The following MYO18B variants were observed in gnomAD, a reference collection of about 807,000 sequenced individuals.
MYO18B encodes myosin XVIIIB.
MYO18B carries 204 observed loss-of-function variants against 273.0 expected under a neutral mutation model. The observed-to-expected ratio is 0.75, with a 90% CI of 0.67 to 0.84. The LOEUF is 0.84. Ranked by LOEUF, MYO18B falls within the 40% of genes least tolerant of loss-of-function variation. The pLI, the probability that MYO18B is intolerant of heterozygous loss-of-function variation, is 0.00. For missense variants in MYO18B, 3,212 were observed against 3,287.6 expected, an observed-to-expected ratio of 0.98 and a Z score of 0.56; for synonymous variants, 1,330 against 1,305.7, an observed-to-expected ratio of 1.02 and a Z score of -0.40.
chr22:25,908,180 T>C, intron 31 of MYO18B, 142 bp from the exon 32 acceptor site: 2 of 655,564 alleles, frequency 3.1e-6, no homozygotes, highest in Non-Finnish European at 5.5e-6. Flanking sequence ...TTTGTGATCT[T>C]CCAGGATGCC....
At chr22:26,040,054 C>T in the MYO18B span, among the ~76,000 whole-genome samples, 1 of 152,150 alleles carries the variant, frequency 6.6e-6, no homozygotes, top group Non-Finnish European at 1.5e-5. Flanking sequence ...CATTATATCA[C>T]TCTTACTGTT....
At chr22:25,925,902 C>CAAAA (rs34754921) in intron 34 of MYO18B, among the ~76,000 whole-genome samples, 2 of 65,754 alleles carry the variant, frequency 3.0e-5, no homozygotes. Flanking sequence ...AAGACTCTGT[C>CAAAA]AAAAAAAAAA....
At chr22:25,884,125 G>A (rs890897739) in intron 25 of MYO18B, among the ~76,000 whole-genome samples, 5 of 152,116 alleles carry the variant, frequency 3.3e-5, no homozygotes, top group Admixed American at 6.5e-5. Context: ...GAGAGGTTTC[G>A]CTTTTGGTAA....
At chr22:25,961,592 A>C (rs1210341339) in intron 39 of MYO18B, among the ~76,000 whole-genome samples, 1 of 151,986 alleles carries the variant, frequency 6.6e-6, no homozygotes, top group African/African-American at 2.4e-5. Flanking sequence ...CGATGAAGCA[A>C]CTCCTCTGTG....
At chr22:26,012,539 T>C (rs781279085) in intron 42 of MYO18B, among the ~76,000 whole-genome samples, 2 of 152,162 alleles carry the variant, frequency 1.3e-5, no homozygotes, top group Non-Finnish European at 2.9e-5. Flanking sequence ...TGCAAACACA[T>C]TAACCATGGA....
At chr22:25,956,642 C>T (rs2092856078) in intron 39 of MYO18B, among the ~76,000 whole-genome samples, 1 of 152,176 alleles carries the variant, frequency 6.6e-6, no homozygotes, top group South Asian at 2.1e-4. Flanking sequence ...ACTTTTTCTC[C>T]ACGGGGCCAG....
chr22:25,839,916 G>A (rs2090031884), intron 17 of MYO18B, among the ~76,000 whole-genome samples: 1 of 152,138 alleles, frequency 6.6e-6, no homozygotes, highest in Non-Finnish European at 1.5e-5. Context: ...TGAAACCCGT[G>A]GGCTGTGGCG....
chr22:25,917,654 TA>T (rs1326042727), intron 33 of MYO18B, among the ~76,000 whole-genome samples: 2 of 152,074 alleles, frequency 1.3e-5, no homozygotes, highest in African/African-American at 4.8e-5. Flanking sequence ...GCTTTTCATA[TA>T]AAAATTTAAT....
chr22:26,000,611 C>T (rs567965264), intron 40 of MYO18B, among the ~76,000 whole-genome samples: 8 of 150,078 alleles, frequency 5.3e-5, no homozygotes, highest in Non-Finnish European at 7.4e-5. Context: ...TCTCCTGTCC[C>T]GAAGGCTTCA....
In MYO18B at chr22:25,826,222, C is replaced by T. The variant is rs78561556; in HGVS notation, c.2696-187C>T. On this transcript the variant is annotated intron_variant, in intron 13 of 43. Transcript: ENST00000335473. Reference sequence around the variant, plus strand: ...TGAAGGTAGGGCAGGTTACATAGGACGCTGTAGGCCCTGAAAGGACACTTA... The same window carrying T: ...TGAAGGTAGGGCAGGTTACATAGGATGCTGTAGGCCCTGAAAGGACACTTA... 4.0e-3 allele frequency among the ~76,000 whole-genome samples: 616 copies of T among 152,258 alleles called. 4 individuals carry two copies. The highest frequency in any genetic ancestry group is 0.014 in the African/African-American group (588 of 41,548).
At chr22:26,013,432 T>C (rs1935068744) in intron 42 of MYO18B, among the ~76,000 whole-genome samples, 1 of 152,226 alleles carries the variant, frequency 6.6e-6, no homozygotes, top group Non-Finnish European at 1.5e-5. Context: ...ATAATTAATT[T>C]ATTCTATTAT....
At chr22:25,917,967 G>A (rs899549514) in intron 33 of MYO18B, among the ~76,000 whole-genome samples, 11 of 152,104 alleles carry the variant, frequency 7.2e-5, no homozygotes, top group African/African-American at 2.4e-4. Context: ...AGTGAGGCTC[G>A]GAAAAGTAAA....
chr22:25,825,369 C>T (rs913458247), intron 13 of MYO18B, among the ~76,000 whole-genome samples: 2 of 152,170 alleles, frequency 1.3e-5, no homozygotes, highest in African/African-American at 2.4e-5. Flanking sequence ...AGAATTACTC[C>T]TCCAGGCACT....
intron 39 of MYO18B, among the ~76,000 whole-genome samples, chr22:25,981,633 T>C (rs1240240454): frequency 6.6e-6 from 1 of 152,168 alleles, no homozygotes; most frequent in African/African-American, 2.4e-5. Context: ...TAGTCCCAGG[T>C]ATTCAGGAGG....
At chr22:25,967,665 C>T (rs370690017) in intron 39 of MYO18B, among the ~76,000 whole-genome samples, 2 of 152,078 alleles carry the variant, frequency 1.3e-5, no homozygotes, top group African/African-American at 2.4e-5. Flanking sequence ...TAGGTTATGG[C>T]TCTTTTAGTT....
At chr22:25,871,720 T>G (rs2091050026) in intron 22 of MYO18B, among the ~76,000 whole-genome samples, 1 of 152,144 alleles carries the variant, frequency 6.6e-6, no homozygotes, top group Non-Finnish European at 1.5e-5. Flanking sequence ...GGCCATGGCA[T>G]TTGTGGGAAA....
At chr22:25,980,759 A>T (rs2093140862) in intron 39 of MYO18B, among the ~76,000 whole-genome samples, 1 of 152,216 alleles carries the variant, frequency 6.6e-6, no homozygotes, top group African/African-American at 2.4e-5. Flanking sequence ...GAGAAAGAAA[A>T]GAGCACGTGG....
At chr22:26,023,015 G>A (rs1935939848) in intron 42 of MYO18B, among the ~76,000 whole-genome samples, 2 of 152,190 alleles carry the variant, frequency 1.3e-5, no homozygotes, top group Non-Finnish European at 2.9e-5. Flanking sequence ...AGCCTATCTC[G>A]CCTTTTTGTT....
chr22:25,777,988 A>G (rs565137629), intron 8 of MYO18B, among the ~76,000 whole-genome samples: 2 of 152,160 alleles, frequency 1.3e-5, no homozygotes, highest in Non-Finnish European at 2.9e-5. Flanking sequence ...CTTCCTCAAG[A>G]CATTGACGGC....
Sources: gnomAD v4.1 joint callset for allele counts (sites outside exome capture counted in the v4.1 genomes callset) on GRCh38, gnomAD v4.1.1 for gene constraint, MANE v1.5 for transcripts, NCBI Gene and HGNC (gene_info 2026-07-23, HGNC 2026-07-21) for gene names.